Variants in SYT14 observed in about 807,000 individuals in gnomAD.
SYT14 encodes synaptotagmin-14.
In SYT14, 32 loss-of-function variants were observed where a neutral mutation model predicts 74.2. That is an observed-to-expected ratio of 0.43 (90% CI 0.33 to 0.58). The LOEUF (loss-of-function observed/expected upper bound fraction) is 0.58, where lower values mean the gene tolerates loss of function less well. SYT14 is among the 20% of genes least tolerant of loss of function. The pLI, the probability that SYT14 is intolerant of heterozygous loss-of-function variation, is 0.05. For missense variants in SYT14, 791 were observed against 981.8 expected, an observed-to-expected ratio of 0.81 and a Z score of 2.60; for synonymous variants, 298 against 337.7, an observed-to-expected ratio of 0.88 and a Z score of 1.29.
intron 1 of SYT14, among the ~76,000 whole-genome samples, chr1:209,946,973 TAGAAAAC>T (rs2078833002): frequency 6.6e-6 from 1 of 152,188 alleles, no homozygotes; most frequent in South Asian, 2.1e-4. Context: ...GCTCTACAAA[TAGAAAAC>T]AGAGCCTAAA....
exon 10 of SYT14, chr1:210,160,831 C>T: frequency 6.2e-7 from 1 of 1,614,026 alleles, no homozygotes; most frequent in South Asian, 1.1e-5. Flanking sequence ...TATAAGGAAA[C>T]TTTTGTCTTT....
intron 1 of SYT14, among the ~76,000 whole-genome samples, chr1:209,945,027 C>T (rs905519351): frequency 2.6e-5 from 4 of 152,040 alleles, no homozygotes; most frequent in Non-Finnish European, 5.9e-5. Flanking sequence ...CACTGCTTCT[C>T]CCTCTCTTGT....
intron 2 of SYT14, among the ~76,000 whole-genome samples, chr1:209,977,020 T>A (rs560224932): frequency 1.3e-5 from 2 of 152,260 alleles, no homozygotes; most frequent in South Asian, 2.1e-4. Flanking sequence ...AGAGACTAGG[T>A]TTGCAACCCC....
At chr1:210,025,935 C>T (rs1317740499) in intron 5 of SYT14, among the ~76,000 whole-genome samples, 1 of 152,050 alleles carries the variant, frequency 6.6e-6, no homozygotes, top group African/African-American at 2.4e-5. Flanking sequence ...AGTAGTCTCC[C>T]TAAGTCTATT....
intron 2 of SYT14, among the ~76,000 whole-genome samples, chr1:209,962,002 A>G (rs1165507850): frequency 1.3e-5 from 2 of 152,104 alleles, no homozygotes; most frequent in Non-Finnish European, 2.9e-5. Context: ...TCCATCTTCA[A>G]TTTCTATGCA....
chr1:209,953,304 A>G, intron 2 of SYT14: 1 of 1,238,172 alleles, frequency 8.1e-7, no homozygotes, highest in Non-Finnish European at 1.1e-6. Flanking sequence ...GGTATTCTCT[A>G]GATTTGGAAG....
intron 1 of SYT14, among the ~76,000 whole-genome samples, chr1:209,951,803 T>C (rs1250592546): frequency 3.9e-5 from 6 of 152,162 alleles, no homozygotes; most frequent in Admixed American, 3.9e-4. Context: ...TATATGGAAA[T>C]GAAAAGGAAT....
At chr1:210,137,911 C>T (rs1382567280) in intron 7 of SYT14, among the ~76,000 whole-genome samples, 2 of 152,118 alleles carry the variant, frequency 1.3e-5, no homozygotes, top group Non-Finnish European at 2.9e-5. Flanking sequence ...AAACTCCTGA[C>T]TTCGTGATCC....
chr1:210,064,237 C>T (rs887915692), intron 5 of SYT14, among the ~76,000 whole-genome samples: 6 of 151,966 alleles, frequency 3.9e-5, no homozygotes, highest in South Asian at 4.2e-4. Flanking sequence ...AGAATTTCAT[C>T]CTTTTAAAAA....
In SYT14 at chr1:209,990,085, C is replaced by T. The variant is rs540385512; in HGVS notation, c.-485-23548C>T. ...TGTTTGCTATCTTTTACTTCTGGTT[C>T]CTTCAAACTGGACCCAATATGTAGT... is the stretch of plus-strand genomic sequence containing the variant. On this transcript the variant is annotated intron_variant, in intron 2 of 9. Transcript: ENST00000637265. 2.6e-5 allele frequency among the ~76,000 whole-genome samples: 4 copies of T among 152,158 alleles called. No homozygotes were observed. In the South Asian group the frequency reaches 8.3e-4, roughly 32 times the overall value.
At chr1:210,067,463 T>C (rs779678823) in intron 5 of SYT14, among the ~76,000 whole-genome samples, 2 of 152,038 alleles carry the variant, frequency 1.3e-5, no homozygotes, top group Non-Finnish European at 2.9e-5. Flanking sequence ...TCTTCTTTAA[T>C]TTCTTTCAAC....
intron 5 of SYT14, among the ~76,000 whole-genome samples, chr1:210,086,730 A>T (rs2081740913): frequency 6.6e-6 from 1 of 152,176 alleles, no homozygotes. Flanking sequence ...TAGAATATTT[A>T]TGTGTGGGTG....
At position 210,114,910 on chromosome 1, in the gene SYT14, T is replaced by C. The variant is rs964650579; in HGVS notation, c.2034+14449T>C. Among the ~76,000 whole-genome samples, 7 of 150,450 alleles carry C rather than the reference T, an allele frequency of 4.7e-5. 1 individual carries two copies. Among genetic ancestry groups the C allele is most frequent in the African/African-American group, 1.2e-4 (5 of 40,110 alleles). ...GGAGGGGAGAGGTCAGATGGGTCCA[T>C]AGAAAAGGAAGATTGGAAAGACTTA... On this transcript the variant is annotated intron_variant, in intron 7 of 9. Coordinates refer to ENST00000637265, the Ensembl canonical transcript of SYT14.
chr1:209,977,399 T>C (rs2102780841), intron 2 of SYT14, among the ~76,000 whole-genome samples: 1 of 152,346 alleles, frequency 6.6e-6, no homozygotes, highest in African/African-American at 2.4e-5. Context: ...AGGGCAGGCC[T>C]GGTAGTGACA....
chr1:210,028,082 T>A (rs962699966), intron 5 of SYT14, among the ~76,000 whole-genome samples: 2 of 152,146 alleles, frequency 1.3e-5, no homozygotes, highest in Non-Finnish European at 2.9e-5. Flanking sequence ...TCCCAGCCTC[T>A]GATAACCAAT....
intron 5 of SYT14, among the ~76,000 whole-genome samples, chr1:210,031,555 G>C (rs752667971): frequency 6.6e-6 from 1 of 152,132 alleles, no homozygotes; most frequent in South Asian, 2.1e-4. Flanking sequence ...GCTTTGGAAA[G>C]TTATTAATAA....
chr1:210,016,256 A>G (rs577125525), exon 4 of SYT14: 6 of 1,232,174 alleles, frequency 4.9e-6, no homozygotes, highest in African/African-American at 4.6e-5. Context: ...CAAAAACACT[A>G]ATTGTCAGAA....
chr1:210,129,089 T>C (rs2082625387), intron 7 of SYT14, among the ~76,000 whole-genome samples: 1 of 152,182 alleles, frequency 6.6e-6, no homozygotes, highest in East Asian at 1.9e-4. Context: ...AAAAGTTTCC[T>C]TTTTAGAAAT....
chr1:210,089,689 T>A (rs2081822294), intron 5 of SYT14, among the ~76,000 whole-genome samples: 1 of 152,242 alleles, frequency 6.6e-6, no homozygotes, highest in Non-Finnish European at 1.5e-5. Flanking sequence ...AGCTATATTT[T>A]TGTTTCTGAT....
Sources: allele counts gnomAD v4.1 joint callset (sites outside exome capture counted in the v4.1 genomes callset), GRCh38; gene constraint gnomAD v4.1.1; transcripts MANE v1.5; gene names NCBI Gene and HGNC (gene_info 2026-07-23, HGNC 2026-07-21).